Variants in TNS3 observed in about 807,000 individuals in gnomAD.
TNS3 encodes the protein tensin-3.
TNS3 carries 45 observed loss-of-function variants against 140.9 expected under a neutral mutation model. The ratio of observed to expected loss-of-function variants is 0.32; its 90% confidence interval spans 0.25 to 0.41. The LOEUF (loss-of-function observed/expected upper bound fraction) is 0.41. TNS3 is among the 10% of genes least tolerant of loss of function. The probability of loss-of-function intolerance (pLI) is 1.00; values close to 1 mark genes in which losing one functional copy is unlikely to be tolerated. For missense variants in TNS3, 1,716 were observed against 1,906.7 expected, an observed-to-expected ratio of 0.90 and a Z score of 1.86; for synonymous variants, 815 against 788.4, an observed-to-expected ratio of 1.03 and a Z score of -0.56.
intron 11 of TNS3, among the ~76,000 whole-genome samples, chr7:47,414,657 T>C (rs999229695): frequency 1.2e-4 from 19 of 152,214 alleles, no homozygotes; most frequent in African/African-American, 4.6e-4. Context: ...TGCTGTGTGC[T>C]TTCCTGTGGG....
In TNS3 at chr7:47,546,063, T is replaced by A. The variant is rs965916695; in HGVS notation, c.-264-16916A>T. On this transcript the variant is annotated intron_variant, in intron 1 of 30. Transcript: ENST00000311160. ...TAGAGGCAGGTGCCCTGCTCTCCTG[T>A]AGCCTGGAGCCTCCCCCAGGAGGCC... is the stretch of plus-strand genomic sequence containing the variant. Among the ~76,000 whole-genome samples, 5 of 152,306 alleles carry A rather than the reference T, an allele frequency of 3.3e-5. No homozygotes were observed. The East Asian group carries it at 9.6e-4, about 29-fold the overall frequency.
chr7:47,479,182 G>A (rs1416214009), intron 4 of TNS3, among the ~76,000 whole-genome samples: 3 of 152,200 alleles, frequency 2.0e-5, no homozygotes, highest in Non-Finnish European at 4.4e-5. Flanking sequence ...CTGTCTGACA[G>A]CCCTGCAACC....
chr7:47,318,416 T>G (rs1370462661), intron 20 of TNS3, among the ~76,000 whole-genome samples: 1 of 152,192 alleles, frequency 6.6e-6, no homozygotes, highest in Non-Finnish European at 1.5e-5. Context: ...CAGTTTGAGT[T>G]GGGACTGGTT....
At chr7:47,465,007 C>A (rs1796645574) in intron 4 of TNS3, among the ~76,000 whole-genome samples, 1 of 152,200 alleles carries the variant, frequency 6.6e-6, no homozygotes, top group Non-Finnish European at 1.5e-5. Flanking sequence ...TCCTTCCATG[C>A]ACAAAACCTA....
chr7:47,518,085 T>C (rs982712122), intron 2 of TNS3, among the ~76,000 whole-genome samples: 3 of 152,208 alleles, frequency 2.0e-5, no homozygotes, highest in South Asian at 2.1e-4. Context: ...TTGTGGCAGG[T>C]TGACTGGGGT....
intron 1 of TNS3, among the ~76,000 whole-genome samples, chr7:47,566,446 A>G (rs1800430632): frequency 6.6e-6 from 1 of 152,232 alleles, no homozygotes; most frequent in African/African-American, 2.4e-5. Context: ...GAATCAACAA[A>G]GTAAATACGA....
intron 1 of TNS3, chr7:47,579,746 G>C: frequency 1.7e-6 from 1 of 596,918 alleles, no homozygotes; most frequent in African/African-American, 2.0e-5. Context: ...AATTTACTTG[G>C]TATTTTACTC....
intron 17 of TNS3, among the ~76,000 whole-genome samples, chr7:47,352,991 G>C (rs1294278243): frequency 6.6e-6 from 1 of 152,212 alleles, no homozygotes; most frequent in Non-Finnish European, 1.5e-5. Context: ...TGATGTCTGG[G>C]TGACCTATGA....
chr7:47,411,703 T>C (rs746412872), intron 13 of TNS3, 24 bp downstream of exon 13: 13 of 1,601,846 alleles, frequency 8.1e-6, no homozygotes, highest in Non-Finnish European at 9.4e-6. Flanking sequence ...CACCAACCCA[T>C]CTGCGGCCAC....
intron 4 of TNS3, among the ~76,000 whole-genome samples, chr7:47,457,690 A>G (rs1012359087): frequency 2.0e-5 from 3 of 152,106 alleles, no homozygotes; most frequent in African/African-American, 7.2e-5. Context: ...ACCACTACAC[A>G]CTATGGTGCC....
intron 1 of TNS3, among the ~76,000 whole-genome samples, chr7:47,580,251 T>C (rs1784495571): frequency 6.6e-6 from 1 of 152,148 alleles, no homozygotes; most frequent in Admixed American, 6.5e-5. Flanking sequence ...TACCACCATG[T>C]TTCATTTCAT....
intron 13 of TNS3, 110 bp from the exon 14 acceptor site, chr7:47,401,024 C>A: frequency 6.7e-7 from 1 of 1,491,162 alleles, no homozygotes; most frequent in Admixed American, 2.0e-5. Flanking sequence ...CCTCTGGACT[C>A]TGGCTGGGAG....
chr7:47,424,638 G>A (rs1231558872), intron 9 of TNS3, among the ~76,000 whole-genome samples: 1 of 152,174 alleles, frequency 6.6e-6, no homozygotes, highest in Non-Finnish European at 1.5e-5. Context: ...GATGCAGGGA[G>A]CAACCCAGGG....
At chr7:47,336,816 A>T (rs1788657015) in intron 20 of TNS3, among the ~76,000 whole-genome samples, 2 of 152,210 alleles carry the variant, frequency 1.3e-5, no homozygotes, top group Non-Finnish European at 2.9e-5. Flanking sequence ...AAACACAGAG[A>T]AGCGTGCGGG....
At chr7:47,447,459 G>T (rs1396046435) in intron 4 of TNS3, among the ~76,000 whole-genome samples, 1 of 152,108 alleles carries the variant, frequency 6.6e-6, no homozygotes, top group Non-Finnish European at 1.5e-5. Flanking sequence ...CTGGGTCCAA[G>T]TTAAGGGTCC....
chr7:47,306,639 A>T (rs548828852), intron 20 of TNS3, among the ~76,000 whole-genome samples: 10 of 151,778 alleles, frequency 6.6e-5, no homozygotes, highest in Non-Finnish European at 1.2e-4. Flanking sequence ...CAGTGGCGTG[A>T]TCTCGACTCA....
chr7:47,378,629 T>TACAA, intron 16 of TNS3, among the ~76,000 whole-genome samples: 1 of 152,352 alleles, frequency 6.6e-6, no homozygotes, highest in African/African-American at 2.4e-5. Context: ...TTCCAAGCAC[T>TACAA]TCGTACCTAT....
At chr7:47,312,522 G>T (rs1488144061) in intron 20 of TNS3, among the ~76,000 whole-genome samples, 1 of 151,938 alleles carries the variant, frequency 6.6e-6, no homozygotes, top group East Asian at 1.9e-4. Context: ...AGCCAACATG[G>T]TGAAACCCCG....
chr7:47,362,387 G>A (rs1026456758), intron 17 of TNS3, among the ~76,000 whole-genome samples: 4 of 152,084 alleles, frequency 2.6e-5, no homozygotes, highest in Non-Finnish European at 4.4e-5. Flanking sequence ...ACTGTCCAGC[G>A]ATAAATCTCC....
Sources: allele counts gnomAD v4.1 joint callset (sites outside exome capture counted in the v4.1 genomes callset), GRCh38; gene constraint gnomAD v4.1.1; transcripts MANE v1.5; gene names NCBI Gene and HGNC (gene_info 2026-07-23, HGNC 2026-07-21).